Variants in DIS3L2 observed in about 807,000 individuals in gnomAD.
DIS3L2 encodes the protein DIS3-like exonuclease 2.
DIS3L2 carries 34 observed loss-of-function variants against 97.5 expected under a neutral mutation model. The ratio of observed to expected loss-of-function variants is 0.35; its 90% CI spans 0.27 to 0.46. The LOEUF (loss-of-function observed/expected upper bound fraction) is 0.46. Among genes scored for constraint, DIS3L2 ranks in the 20% least tolerant of loss-of-function variants. DIS3L2 has a pLI of 1.00. For synonymous variants in DIS3L2, 435 were observed against 445.2 expected, an observed-to-expected ratio of 0.98 and a Z score of 0.29; for missense variants, 1,038 against 1,146.0, an observed-to-expected ratio of 0.91 and a Z score of 1.36.
intron 10 of DIS3L2, among the ~76,000 whole-genome samples, chr2:232,215,004 T>C (rs1481891587): frequency 6.6e-6 from 1 of 152,216 alleles, no homozygotes; most frequent in African/African-American, 2.4e-5. Context: ...TTTCAGTTTC[T>C]TTTTGGGTGA....
intron 1 of DIS3L2, among the ~76,000 whole-genome samples, chr2:231,998,151 C>T (rs1574797690): frequency 2.0e-5 from 3 of 152,118 alleles, no homozygotes; most frequent in African/African-American, 7.2e-5. Context: ...AACAGAGTGC[C>T]ACAAACTGGG....
intron 9 of DIS3L2, among the ~76,000 whole-genome samples, chr2:232,186,879 G>A (rs988985544): frequency 6.6e-6 from 1 of 152,094 alleles, no homozygotes; most frequent in East Asian, 1.9e-4. Flanking sequence ...GAAAACAAAA[G>A]AGTAAACCTT....
rs559346947 is a variant in DIS3L2, at chr2:232,166,701, C to T, written c.1124+3069C>T. 5.9e-5 allele frequency among the ~76,000 whole-genome samples: 9 copies of T among 152,022 alleles called. No individual in the cohort carries two copies. In the East Asian group the frequency reaches 7.7e-4, roughly 13 times the overall value. On this transcript the variant is annotated intron_variant, in intron 9 of 20. Transcript: ENST00000325385. Reference sequence around the variant, plus strand: ...ACTGCAATCCAGCGTGGCGACAGAACGAGACTCCATCAACAACAACAACAA... The same window carrying T: ...ACTGCAATCCAGCGTGGCGACAGAATGAGACTCCATCAACAACAACAACAA...
At chr2:232,319,836 C>T (rs1695375954) in intron 14 of DIS3L2, among the ~76,000 whole-genome samples, 1 of 152,226 alleles carries the variant, frequency 6.6e-6, no homozygotes, top group South Asian at 2.1e-4. Context: ...CAGGTCCAGT[C>T]ACGCTTTGGC....
chr2:232,009,209 C>T (rs1013992213), intron 1 of DIS3L2, among the ~76,000 whole-genome samples: 2 of 152,164 alleles, frequency 1.3e-5, no homozygotes, highest in African/African-American at 2.4e-5. Flanking sequence ...AATCTAGGCT[C>T]CCCTAGAGAT....
At chr2:231,982,746 C>G (rs1693297527) in intron 1 of DIS3L2, among the ~76,000 whole-genome samples, 1 of 150,588 alleles carries the variant, frequency 6.6e-6, no homozygotes, top group Admixed American at 6.6e-5. Flanking sequence ...GTGGCAATAT[C>G]ACATCTGACT....
At position 232,107,698 on chromosome 2, in the gene DIS3L2, A is replaced by G. The variant is rs995210772; in HGVS notation, c.601+19977A>G. On this transcript the variant is annotated intron_variant, in intron 6 of 20. Coordinates refer to ENST00000325385, the MANE Select transcript of DIS3L2 (RefSeq NM_152383.5). Reference sequence around the variant, plus strand: ...TGGGCAGGCGACAGAGCGAGACTCCATCTCAAAAAGAAATGATAAGGGGAA... The same window carrying G: ...TGGGCAGGCGACAGAGCGAGACTCCGTCTCAAAAAGAAATGATAAGGGGAA... Among the ~76,000 whole-genome samples the G allele has an allele frequency of 3.9e-5, 6 of 152,316 alleles. No homozygotes were observed. The South Asian group carries it at 1.2e-3, about 32-fold the overall frequency.
chr2:232,221,217 A>G (rs975271400), intron 10 of DIS3L2, among the ~76,000 whole-genome samples: 4 of 152,160 alleles, frequency 2.6e-5, no homozygotes, highest in Non-Finnish European at 5.9e-5. Flanking sequence ...AAATCAGGTG[A>G]CAGTTTAAAA....
intron 13 of DIS3L2, among the ~76,000 whole-genome samples, chr2:232,282,580 G>A (rs1193370354): frequency 1.3e-5 from 2 of 152,158 alleles, no homozygotes; most frequent in Non-Finnish European, 2.9e-5. Flanking sequence ...GATTTCCATA[G>A]CTAGTCATAG....
intron 2 of DIS3L2, 50 bp downstream of exon 2, chr2:232,015,029 A>G (rs1365789881): frequency 1.3e-6 from 2 of 1,597,484 alleles, no homozygotes; most frequent in East Asian, 2.2e-5. Flanking sequence ...AACTGAAATG[A>G]AAGTGGAATG....
intron 1 of DIS3L2, among the ~76,000 whole-genome samples, chr2:231,974,375 T>A (rs1232185487): frequency 6.6e-6 from 1 of 152,142 alleles, no homozygotes; most frequent in Non-Finnish European, 1.5e-5. Context: ...GCTGTCAATT[T>A]TTTTTTCAGT....
chr2:232,340,815 G>A (rs781525888), downstream of DIS3L2: 94 of 471,506 alleles, frequency 2.0e-4, 1 homozygote, highest in Middle Eastern at 1.9e-3. Context: ...CCCTTGGTGT[G>A]CTCAGAGCTT....
intron 8 of DIS3L2, among the ~76,000 whole-genome samples, chr2:232,149,195 T>G (rs997481038): frequency 4.4e-5 from 6 of 135,482 alleles, no homozygotes; most frequent in Admixed American, 2.1e-4. Flanking sequence ...GCTTAAAAGT[T>G]TTTTTTTTTT....
At chr2:232,165,252 G>T (rs888318263) in intron 9 of DIS3L2, among the ~76,000 whole-genome samples, 1 of 152,114 alleles carries the variant, frequency 6.6e-6, no homozygotes, top group Non-Finnish European at 1.5e-5. Flanking sequence ...TTTCCTAAAA[G>T]AATAGCTATA....
chr2:232,335,545 A>G (rs1695914744), intron 19 of DIS3L2: 1 of 490,276 alleles, frequency 2.0e-6, no homozygotes, highest in Non-Finnish European at 3.7e-6. Context: ...CCCATAGCAC[A>G]CAGAGCCACG....
At chr2:232,258,443 G>T (rs906425941) in intron 12 of DIS3L2, among the ~76,000 whole-genome samples, 1 of 152,052 alleles carries the variant, frequency 6.6e-6, no homozygotes, top group Admixed American at 6.5e-5. Context: ...AATGAGCCGG[G>T]CATGGTGGCA....
At chr2:232,225,443 G>A (rs1218660868) in intron 10 of DIS3L2, among the ~76,000 whole-genome samples, 1 of 152,138 alleles carries the variant, frequency 6.6e-6, no homozygotes, top group African/African-American at 2.4e-5. Context: ...AAAACGCTGT[G>A]TTGAGCAAAA....
At chr2:232,314,148 C>T (rs935126098) in intron 14 of DIS3L2, among the ~76,000 whole-genome samples, 1 of 152,236 alleles carries the variant, frequency 6.6e-6, no homozygotes, top group African/African-American at 2.4e-5. Context: ...AGGGCTGCAG[C>T]CCTCCTCAGC....
intron 5 of DIS3L2, among the ~76,000 whole-genome samples, chr2:232,070,670 C>T (rs1695989027): frequency 1.3e-5 from 2 of 151,564 alleles, no homozygotes. Context: ...CTGCAACCTT[C>T]ACCTCCCGGG....
Sources: allele counts gnomAD v4.1 joint callset (sites outside exome capture counted in the v4.1 genomes callset), GRCh38; gene constraint gnomAD v4.1.1; transcripts MANE v1.5; gene names NCBI Gene and HGNC (gene_info 2026-07-23, HGNC 2026-07-21).